The following DCDC1 variants were observed in gnomAD, a reference collection of about 807,000 sequenced individuals.
DCDC1 encodes the protein doublecortin domain-containing protein 1.
DCDC1 carries 200 observed loss-of-function variants against 178.3 expected under a neutral mutation model. That is an observed-to-expected ratio of 1.12 (90% CI 1.00 to 1.26). The LOEUF (loss-of-function observed/expected upper bound fraction) is 1.26. Ranked by LOEUF, DCDC1 falls within the 50% of genes most tolerant of loss-of-function variation. The probability of loss-of-function intolerance (pLI) is 0.00; values close to 1 mark genes in which losing one functional copy is unlikely to be tolerated. For missense variants in DCDC1, 1,983 were observed against 1,749.2 expected (o/e 1.13, Z -2.38); for synonymous variants, 690 against 604.8 (o/e 1.14, Z -2.07).
chr11:30,871,627 C>G (rs146779199), intron 38 of DCDC1, among the ~76,000 whole-genome samples: 24 of 152,134 alleles, frequency 1.6e-4, no homozygotes, highest in Non-Finnish European at 2.9e-4. Flanking sequence ...ATATATATAT[C>G]AAGCACTGAT....
chr11:31,166,096 T>C (rs1966759397), intron 9 of DCDC1, among the ~76,000 whole-genome samples: 1 of 152,196 alleles, frequency 6.6e-6, no homozygotes, highest in African/African-American at 2.4e-5. Flanking sequence ...TAGCTATCAG[T>C]ATATAAGTAC....
intron 18 of DCDC1, among the ~76,000 whole-genome samples, chr11:31,067,390 CT>C (rs1196227685): frequency 6.6e-6 from 1 of 152,038 alleles, no homozygotes; most frequent in African/African-American, 2.4e-5. Context: ...TAAGGTAATA[CT>C]TTTTACCCAC....
intron 7 of DCDC1, among the ~76,000 whole-genome samples, chr11:31,274,494 A>G (rs1945826017): frequency 6.6e-6 from 1 of 150,980 alleles, no homozygotes; most frequent in Non-Finnish European, 1.5e-5. Context: ...ATTTATCTGG[A>G]AACAAGTGGA....
intron 9 of DCDC1, among the ~76,000 whole-genome samples, chr11:31,187,038 A>G (rs1969585712): frequency 6.6e-6 from 1 of 152,026 alleles, no homozygotes; most frequent in Admixed American, 6.6e-5. Context: ...CAGTGACACT[A>G]TTTTCATTCA....
At chr11:30,983,270 C>G (rs1342387905) in intron 20 of DCDC1, among the ~76,000 whole-genome samples, 2 of 152,142 alleles carry the variant, frequency 1.3e-5, no homozygotes, top group Non-Finnish European at 2.9e-5. Context: ...AGAAGTGTTT[C>G]CCATTGGGCA....
At chr11:31,010,306 G>T (rs1319772) in intron 20 of DCDC1, among the ~76,000 whole-genome samples, 3,698 of 152,252 alleles carry the variant, frequency 0.024, 157 homozygotes, top group African/African-American at 0.081. Context: ...GGTTCAACTG[G>T]GAAGAATTCA....
intron 6 of DCDC1, among the ~76,000 whole-genome samples, chr11:31,291,809 T>C (rs942994584): frequency 6.6e-6 from 1 of 152,140 alleles, no homozygotes; most frequent in Non-Finnish European, 1.5e-5. Context: ...CTATTTTGCA[T>C]TGAAATTTGC....
chr11:31,214,323 G>A (rs1359159108), intron 9 of DCDC1, among the ~76,000 whole-genome samples: 1 of 151,950 alleles, frequency 6.6e-6, no homozygotes, highest in Non-Finnish European at 1.5e-5. Flanking sequence ...TAGTTGATAA[G>A]GTATAAAATT....
At chr11:31,009,495 T>C (rs1052277846) in intron 20 of DCDC1, among the ~76,000 whole-genome samples, 3 of 151,878 alleles carry the variant, frequency 2.0e-5, no homozygotes, top group African/African-American at 7.3e-5. Context: ...TTGGCTCATA[T>C]GTCTATGGAG....
intron 6 of DCDC1, among the ~76,000 whole-genome samples, chr11:31,302,334 T>C (rs1297304248): frequency 5.9e-5 from 9 of 152,130 alleles, no homozygotes. Flanking sequence ...GTGTCACAAT[T>C]AAGCAGAAGA....
At chr11:31,346,463 CAAAAAAAAAAA>C (rs377761189) in intron 1 of DCDC1, among the ~76,000 whole-genome samples, 51 of 83,726 alleles carry the variant, frequency 6.1e-4, no homozygotes, top group South Asian at 1.6e-3. Context: ...GACTCCGTCT[CAAAAAAAAAAA>C]AAAAAAAAAA....
At chr11:30,999,504 C>T (rs1010969572) in intron 20 of DCDC1, among the ~76,000 whole-genome samples, 3 of 152,032 alleles carry the variant, frequency 2.0e-5, no homozygotes, top group African/African-American at 7.2e-5. Context: ...TTTTGTTTTC[C>T]AAGAATTTTC....
chr11:31,167,612 C>A (rs2136200921), intron 9 of DCDC1, among the ~76,000 whole-genome samples: 1 of 152,270 alleles, frequency 6.6e-6, no homozygotes, highest in South Asian at 2.1e-4. Context: ...CATCTATAAT[C>A]TAATCCTTCT....
In DCDC1 at chr11:30,894,233, T is replaced by C. The variant is rs371773551; in HGVS notation, c.4902+15A>G. ...AGGGCAGAGTCTTTAATGTCCAGAATCCCAAAGAACATACCTCTGTATGTC... is the reference window on the plus strand; with the variant it reads ...AGGGCAGAGTCTTTAATGTCCAGAACCCCAAAGAACATACCTCTGTATGTC... On this transcript the variant is annotated intron_variant, in intron 35 of 38. Transcript: ENST00000684477. 28 of 1,603,264 alleles carry C rather than the reference T, an allele frequency of 1.7e-5. No homozygotes were observed. The African/African-American group carries it at 2.3e-4, about 13-fold the overall frequency.
At chr11:31,065,741 A>G (rs1281295457) in intron 18 of DCDC1, among the ~76,000 whole-genome samples, 4 of 152,230 alleles carry the variant, frequency 2.6e-5, no homozygotes, top group African/African-American at 9.6e-5. Flanking sequence ...CTAAATACAA[A>G]TGAAGCACAT....
intron 22 of DCDC1, among the ~76,000 whole-genome samples, chr11:30,927,492 T>C (rs1946659167): frequency 6.6e-6 from 1 of 152,154 alleles, no homozygotes; most frequent in East Asian, 1.9e-4. Context: ...ATACAACAGA[T>C]GACTGTTAAC....
At chr11:30,914,610 A>G (rs1408989302) in intron 27 of DCDC1, among the ~76,000 whole-genome samples, 2 of 148,700 alleles carry the variant, frequency 1.3e-5, no homozygotes, top group Non-Finnish European at 3.0e-5. Context: ...TTGTTCGATT[A>G]AAGAAATGTT....
chr11:30,908,550 T>C (rs1237759231), intron 29 of DCDC1, among the ~76,000 whole-genome samples: 1 of 152,088 alleles, frequency 6.6e-6, no homozygotes, highest in Non-Finnish European at 1.5e-5. Flanking sequence ...TGTCAGAAAA[T>C]GTCCAAAATT....
intron 7 of DCDC1, among the ~76,000 whole-genome samples, chr11:31,285,396 C>T (rs774818678): frequency 7.9e-5 from 12 of 152,182 alleles, no homozygotes; most frequent in Non-Finnish European, 1.3e-4. Flanking sequence ...CCTCCTCTGT[C>T]GGAATCCATG....
Sources: gnomAD v4.1 joint callset for allele counts (sites outside exome capture counted in the v4.1 genomes callset) on GRCh38, gnomAD v4.1.1 for gene constraint, MANE v1.5 for transcripts, NCBI Gene and HGNC (gene_info 2026-07-23, HGNC 2026-07-21) for gene names.